The following RAPGEF1 variants were observed in gnomAD, a reference collection of about 807,000 sequenced individuals.
RAPGEF1 encodes the protein CRK SH3-binding GNRP.
Under a neutral mutation model 143.3 loss-of-function variants are expected in RAPGEF1, and 33 were observed. The ratio of observed to expected loss-of-function variants is 0.23; its 90% confidence interval spans 0.17 to 0.31. The LOEUF is 0.31. Ranked by LOEUF, RAPGEF1 falls within the 10% of genes least tolerant of loss-of-function variation. The pLI is 1.00. For missense variants in RAPGEF1, 1,199 were observed against 1,645.4 expected, an observed-to-expected ratio of 0.73 and a Z score of 4.69; for synonymous variants, 629 against 676.5, an observed-to-expected ratio of 0.93 and a Z score of 1.09.
At chr9:131,714,281 G>A (rs1835705371) in intron 1 of RAPGEF1, among the ~76,000 whole-genome samples, 1 of 151,848 alleles carries the variant, frequency 6.6e-6, no homozygotes, top group East Asian at 1.9e-4. Context: ...GGCTCCAGAC[G>A]AACTCTGAGT....
At chr9:131,603,118 C>T (rs1362430645) in intron 14 of RAPGEF1, among the ~76,000 whole-genome samples, 1 of 152,200 alleles carries the variant, frequency 6.6e-6, no homozygotes, top group Non-Finnish European at 1.5e-5. Context: ...ATGTCTGAAA[C>T]AGGGCTGGCT....
intron 1 of RAPGEF1, among the ~76,000 whole-genome samples, chr9:131,688,680 C>T (rs1172466642): frequency 6.6e-6 from 1 of 152,030 alleles, no homozygotes. Flanking sequence ...CCCTGTAATC[C>T]CAACACTTTG....
At chr9:131,664,288 T>C (rs1830075788) in intron 1 of RAPGEF1, among the ~76,000 whole-genome samples, 1 of 152,184 alleles carries the variant, frequency 6.6e-6, no homozygotes, top group African/African-American at 2.4e-5. Context: ...CCCTAGCTCC[T>C]TTTGGTGGGG....
chr9:131,638,460 C>A (rs1236638859), intron 5 of RAPGEF1, among the ~76,000 whole-genome samples, 175 bp downstream of exon 5: 1 of 152,232 alleles, frequency 6.6e-6, no homozygotes, highest in African/African-American at 2.4e-5. Context: ...CCCTAAGAGC[C>A]ATTCGCACCA....
At chr9:131,580,657 T>C (rs1213810626) in intron 25 of RAPGEF1, among the ~76,000 whole-genome samples, 11 of 151,514 alleles carry the variant, frequency 7.3e-5, no homozygotes, top group Admixed American at 7.2e-4. Context: ...GCTCAACCCA[T>C]AAGGGCGAAG....
intron 15 of RAPGEF1, among the ~76,000 whole-genome samples, chr9:131,600,960 C>G (rs2132446159): frequency 6.6e-6 from 1 of 152,018 alleles, no homozygotes; most frequent in East Asian, 1.9e-4. Flanking sequence ...TTGAGACCAT[C>G]CTGGCTAACA....
intron 1 of RAPGEF1, among the ~76,000 whole-genome samples, chr9:131,727,190 T>C (rs1421961305): frequency 6.6e-6 from 1 of 152,152 alleles, no homozygotes; most frequent in Non-Finnish European, 1.5e-5. Context: ...TTACTGTTAC[T>C]AGGGCTCAGA....
At chr9:131,599,657 G>A (rs1281357841) in intron 15 of RAPGEF1, among the ~76,000 whole-genome samples, 1 of 152,090 alleles carries the variant, frequency 6.6e-6, no homozygotes, top group Non-Finnish European at 1.5e-5. Context: ...GGCCGGGGGT[G>A]TCCAAGATGA....
At chr9:131,660,993 G>A (rs1028834504) in intron 1 of RAPGEF1, among the ~76,000 whole-genome samples, 1 of 152,178 alleles carries the variant, frequency 6.6e-6, no homozygotes, top group Admixed American at 6.5e-5. Context: ...TAAAACCACT[G>A]AGCTACCACC....
rs1453173136 is a variant in RAPGEF1, at chr9:131,737,836, G to A, written c.61+1934C>T. On this transcript the variant is annotated intron_variant, in intron 1 of 26. Transcript: ENST00000683357. ...AAAAATTTGCCAGGCGTGGTGGCAG[G>A]CGCCTGCAGTCCCAGCTACTCGGGA... Among the ~76,000 whole-genome samples the A allele has an allele frequency of 2.6e-5, 4 of 152,056 alleles. No individual in the cohort carries two copies. The East Asian group carries it at 5.8e-4, about 22-fold the overall frequency.
At chr9:131,649,335 G>A (rs913669373) in intron 3 of RAPGEF1, among the ~76,000 whole-genome samples, 16 of 151,330 alleles carry the variant, frequency 1.1e-4, no homozygotes, top group African/African-American at 3.2e-4. Context: ...GATTATAGGC[G>A]TGAACCACTG....
At chr9:131,634,842 G>T (rs983366980) in intron 5 of RAPGEF1, among the ~76,000 whole-genome samples, 1 of 151,958 alleles carries the variant, frequency 6.6e-6, no homozygotes, top group Non-Finnish European at 1.5e-5. Flanking sequence ...AAGTTGGGAA[G>T]AGGTGGGGTA....
intron 5 of RAPGEF1, among the ~76,000 whole-genome samples, chr9:131,632,338 A>C (rs1200057535): frequency 2.8e-5 from 4 of 143,866 alleles, no homozygotes; most frequent in Non-Finnish European, 4.5e-5. Context: ...ACGGGGTTTC[A>C]CCGTGGTCTC....
chr9:131,738,033 TC>T (rs2131372534), intron 1 of RAPGEF1, among the ~76,000 whole-genome samples: 1 of 152,170 alleles, frequency 6.6e-6, no homozygotes, highest in South Asian at 2.1e-4. Context: ...CAGGCTTGTT[TC>T]AAACTCCTGG....
At position 131,605,048 on chromosome 9, in the gene RAPGEF1, C is replaced by T. The variant is rs1183070752; in HGVS notation, c.2202G>A (p.Val734=). 1 of 1,364,656 alleles carries T rather than the reference C, an allele frequency of 7.3e-7. No homozygotes were observed. The highest frequency in any genetic ancestry group is 1.1e-5 in the South Asian group (1 of 87,472). 84.5% of individuals were successfully genotyped at this position (1,364,656 alleles called of 1,614,324 possible). ...TGGGAGGTGGACCGGCCATGGTTGG[C>T]ACGGCTAAGTCAGAGCTCTGAGACT... is the stretch of plus-strand genomic sequence containing the variant. ...AHQSQSSDLA[V]PTMAGPPPST... is the part of the protein sequence containing the mutation. The change falls in exon 13 of 27, where the codon GTG becomes GTA. Residue 734 remains valine (V), a synonymous_variant. Coordinates refer to ENST00000683357, the MANE Select transcript of RAPGEF1 (RefSeq NM_001377935.1).
rs373049288 is a variant in RAPGEF1 at position 131,683,720 on chromosome 9, T to A, written c.62-32771A>T. 3.3e-5 allele frequency among the ~76,000 whole-genome samples: 5 copies of A among 152,366 alleles called. No individual in the cohort carries two copies. In the East Asian group the frequency reaches 9.6e-4, roughly 29 times the overall value. On this transcript the variant is annotated intron_variant, in intron 1 of 26. Transcript: ENST00000683357. ...AAAGTAAAGATTTCCAGATGCCCTA[T>A]ATTTCAGCTCAAAAAGCGGAGCTTG...
chr9:131,676,822 G>A (rs571270134), intron 1 of RAPGEF1, among the ~76,000 whole-genome samples: 3 of 152,192 alleles, frequency 2.0e-5, no homozygotes, highest in Non-Finnish European at 4.4e-5. Context: ...CCTAGTCAGC[G>A]GTTCTCAAAG....
At chr9:131,593,393 C>T (rs1379583810) in intron 17 of RAPGEF1, among the ~76,000 whole-genome samples, 2 of 152,234 alleles carry the variant, frequency 1.3e-5, no homozygotes, top group African/African-American at 4.8e-5. Flanking sequence ...TGGCCAGACT[C>T]ACTCCCTGCA....
intron 22 of RAPGEF1, among the ~76,000 whole-genome samples, chr9:131,586,214 G>GCATGCA (rs1952713110): frequency 1.6e-5 from 2 of 124,542 alleles, no homozygotes; most frequent in Non-Finnish European, 3.4e-5. Flanking sequence ...ACACACGCAC[G>GCATGCA]CACACACACA....
Sources: allele counts gnomAD v4.1 joint callset (sites outside exome capture counted in the v4.1 genomes callset), GRCh38; gene constraint gnomAD v4.1.1; transcripts MANE v1.5; gene names NCBI Gene and HGNC (gene_info 2026-07-23, HGNC 2026-07-21).